ZMYM6: variants seen among roughly 807,000 people sequenced by gnomAD.
ZMYM6 encodes zinc finger MYM-type containing 6.
ZMYM6 carries 90 observed loss-of-function variants against 134.0 expected under a neutral mutation model. That is an observed-to-expected ratio of 0.67 (90% CI 0.57 to 0.80). ZMYM6 has a LOEUF of 0.80. ZMYM6 is among the 30% of genes least tolerant of loss of function. The pLI is 0.00. For synonymous variants in ZMYM6, 481 were observed against 524.1 expected (o/e 0.92, Z 1.12); for missense variants, 1,362 against 1,533.9 (o/e 0.89, Z 1.87).
intron 2 of ZMYM6, among the ~76,000 whole-genome samples, chr1:35,025,485 A>AAAAG (rs1557589405): frequency 4.0e-5 from 6 of 150,164 alleles, no homozygotes; most frequent in Admixed American, 1.3e-4. Context: ...AAAAAAAAAA[A>AAAAG]AAAGAAAGAA....
chr1:35,012,177 C>T (rs1366051872), intron 7 of ZMYM6, among the ~76,000 whole-genome samples, 172 bp from the exon 8 acceptor site: 1 of 152,180 alleles, frequency 6.6e-6, no homozygotes, highest in Non-Finnish European at 1.5e-5. Context: ...GTCCCACTTA[C>T]ACAAAAACTA....
At chr1:35,011,260 C>T (rs993926325) in intron 8 of ZMYM6, among the ~76,000 whole-genome samples, 11 of 152,058 alleles carry the variant, frequency 7.2e-5, no homozygotes, top group African/African-American at 2.4e-4. Context: ...CAAAGACCTC[C>T]AGTATATGCC....
In ZMYM6 at chr1:35,015,741, A is replaced by T. The variant is rs1392138943; in HGVS notation, c.429-579T>A. ...TCCATCTCAAAAAAAAAAAAAAAAAAAAATATATATATATATATATGTGGC... is the reference window on the plus strand; with the variant it reads ...TCCATCTCAAAAAAAAAAAAAAAAATAAATATATATATATATATATGTGGC... On this transcript the variant is annotated intron_variant, in intron 4 of 15. Coordinates refer to ENST00000357182, the MANE Select transcript of ZMYM6 (RefSeq NM_007167.4). 2.8e-3 allele frequency among the ~76,000 whole-genome samples: 336 copies of T among 121,612 alleles called. 1 individual carries two copies. The highest frequency in any genetic ancestry group is 9.3e-3 in the African/African-American group (172 of 18,532). 79.8% of individuals were successfully genotyped at this position (121,612 alleles called of 152,430 possible). A position where few individuals can be genotyped will look rare whatever the true frequency, so the allele number is the denominator to read the frequency against.
intron 15 of ZMYM6, among the ~76,000 whole-genome samples, chr1:34,991,775 A>AAAAC (rs896212817): frequency 2.2e-4 from 34 of 152,288 alleles, no homozygotes; most frequent in African/African-American, 7.0e-4. Context: ...CATCTCAAAA[A>AAAAC]AAACAAACAA....
At chr1:35,025,054 A>T (rs966112221) in intron 2 of ZMYM6, among the ~76,000 whole-genome samples, 6 of 152,018 alleles carry the variant, frequency 3.9e-5, no homozygotes, top group African/African-American at 1.4e-4. Flanking sequence ...TATTTTTAGT[A>T]GAGTTGTGGT....
At chr1:35,005,629 C>CAAAA (rs1182722333) in intron 12 of ZMYM6, among the ~76,000 whole-genome samples, 35 of 59,190 alleles carry the variant, frequency 5.9e-4, no homozygotes, top group Admixed American at 1.0e-3. Flanking sequence ...AACCTAGTCT[C>CAAAA]AAAAAAAAAA....
At chr1:34,994,170 G>A (rs1300261106) in intron 14 of ZMYM6, among the ~76,000 whole-genome samples, 1 of 152,152 alleles carries the variant, frequency 6.6e-6, no homozygotes, top group Non-Finnish European at 1.5e-5. Context: ...AGATACCGCA[G>A]AAAACAAGAC....
At chr1:35,003,853 A>G (rs1192296858) in intron 14 of ZMYM6, 115 bp downstream of exon 14, 4 of 881,206 alleles carry the variant, frequency 4.5e-6, no homozygotes, top group Admixed American at 2.4e-5. Context: ...TAGATTAATG[A>G]CTAGGACCCT....
intron 14 of ZMYM6, among the ~76,000 whole-genome samples, chr1:34,995,345 T>C (rs1374122380): frequency 1.3e-5 from 2 of 151,170 alleles, no homozygotes; most frequent in East Asian, 3.9e-4. Flanking sequence ...TGTATATACG[T>C]TGTATATGTA....
Position 35,015,161 on chromosome 1 carries a change from C to A in ZMYM6, c.430G>T (p.Asp144Tyr), listed in dbSNP as rs1174261472. ...PKKTCTNCSKDILNPKDVITT... is the reference protein window; with the variant it reads ...PKKTCTNCSKYILNPKDVITT... ...ATCACATCCTTAGGATTTAAAATGTCTCTAAAAATAAATAACAAAGGTAAA... is the reference window on the plus strand; with the variant it reads ...ATCACATCCTTAGGATTTAAAATGTATCTAAAAATAAATAACAAAGGTAAA... The change falls in exon 5 of 16, where the codon GAC becomes TAC. Residue 144 changes from aspartate (D) to tyrosine (Y), a missense_variant and splice_region_variant. Transcript: ENST00000357182. 1.9e-6 allele frequency: 3 copies of A among 1,582,942 alleles called. No individual in the cohort carries two copies. Among genetic ancestry groups the A allele is most frequent in the Non-Finnish European group, 2.6e-6 (3 of 1,170,430 alleles).
chr1:35,013,714 G>A (rs753742775), intron 6 of ZMYM6: 15 of 975,508 alleles, frequency 1.5e-5, no homozygotes, highest in Non-Finnish European at 1.8e-5. Flanking sequence ...TTGTTTTTGA[G>A]ACAGTCTTGC....
At chr1:35,029,970 C>T (rs1177177648) in intron 2 of ZMYM6, among the ~76,000 whole-genome samples, 2 of 152,172 alleles carry the variant, frequency 1.3e-5, no homozygotes, top group Non-Finnish European at 2.9e-5. Flanking sequence ...TTTGCTCAAT[C>T]CTGGATCCCC....
chr1:34,987,698 T>C lies in ZMYM6; in HGVS notation c.3384A>G (p.Leu1128=), dbSNP rs1329585298. 1.3e-6 allele frequency: 2 copies of C among 1,550,616 alleles called. No individual in the cohort carries two copies. The highest frequency in any genetic ancestry group is 8.7e-7 in the Non-Finnish European group (1 of 1,146,714). The change falls in exon 16 of 16, where the codon TTA becomes TTG. Residue 1128 remains leucine (L), a synonymous_variant. Transcript: ENST00000357182. ...AAGTAGTCAAAGTTCCTTGGAGACT[T>C]AAATTTAATTCATTTATAAGTGAAA... The part of the protein sequence containing the change: ...DIFSLINELN[L]SLQGTLTTFF...
At chr1:34,995,029 ATATG>A (rs1022066383) in intron 14 of ZMYM6, among the ~76,000 whole-genome samples, 4 of 108,874 alleles carry the variant, frequency 3.7e-5, no homozygotes, top group East Asian at 5.5e-4. Context: ...ATACGTATAT[ATATG>A]TAATATATAT....
intron 2 of ZMYM6, among the ~76,000 whole-genome samples, chr1:35,029,872 AAT>A: frequency 6.6e-6 from 1 of 152,142 alleles, no homozygotes; most frequent in Non-Finnish European, 1.5e-5. Flanking sequence ...CATAGTTTGT[AAT>A]TATATATATT....
At chr1:34,998,120 A>T (rs1640814773) in intron 14 of ZMYM6, among the ~76,000 whole-genome samples, 1 of 152,124 alleles carries the variant, frequency 6.6e-6, no homozygotes, top group South Asian at 2.1e-4. Flanking sequence ...CTCTACTAAA[A>T]ATACAAAAAT....
intron 4 of ZMYM6, chr1:35,017,784 A>G (rs1292171914): frequency 6.6e-6 from 1 of 152,178 alleles, no homozygotes; most frequent in Non-Finnish European, 1.5e-5. Context: ...TGCTGAAAAG[A>G]TAAGAATCTG....
chr1:35,008,477 C>G (rs759760427), intron 11 of ZMYM6, among the ~76,000 whole-genome samples: 43 of 152,162 alleles, frequency 2.8e-4, no homozygotes, highest in Non-Finnish European at 4.9e-4. Context: ...ATGTGAAGTT[C>G]TAACCTGAAA....
chr1:35,020,850 C>T (rs373346129), intron 2 of ZMYM6, among the ~76,000 whole-genome samples: 4 of 151,722 alleles, frequency 2.6e-5, no homozygotes, highest in East Asian at 3.9e-4. Context: ...GGATTACAGG[C>T]GTGAGCCACC....
Sources: allele counts gnomAD v4.1 joint callset (sites outside exome capture counted in the v4.1 genomes callset), GRCh38; gene constraint gnomAD v4.1.1; transcripts MANE v1.5; gene names NCBI Gene and HGNC (gene_info 2026-07-23, HGNC 2026-07-21).